The following SRGAP1 variants were observed in gnomAD, a reference collection of about 807,000 sequenced individuals.
SRGAP1 encodes the protein SLIT-ROBO Rho GTPase activating protein 1, also known as SLIT-ROBO Rho GTPase-activating protein 1.
Under a neutral mutation model 121.9 loss-of-function variants are expected in SRGAP1, and 43 were observed. The ratio of observed to expected loss-of-function variants is 0.35; its 90% CI spans 0.28 to 0.46. The LOEUF (loss-of-function observed/expected upper bound fraction) is 0.46, where lower values mean the gene tolerates loss of function less well. Among genes scored for constraint, SRGAP1 ranks in the 20% least tolerant of loss-of-function variants. SRGAP1 has a pLI of 1.00. For synonymous variants in SRGAP1, 447 were observed against 485.4 expected (o/e 0.92, Z 1.04); for missense variants, 1,102 against 1,350.9 (o/e 0.82, Z 2.89).
chr12:63,984,064 A>G lies in SRGAP1; in HGVS notation c.185A>G (p.Glu62Gly). ...FFRKKAEIET[E>G]YSRNLEKLAE... Reference sequence around the variant, plus strand: ...CGAAAAAAAGCTGAAATTGAGACGGAATATTCCCGGAATCTAGAGAAGTTA... The same window carrying G: ...CGAAAAAAAGCTGAAATTGAGACGGGATATTCCCGGAATCTAGAGAAGTTA... The change falls in exon 2 of 22, where the codon GAA becomes GGA. Residue 62 changes from glutamate to glycine, a missense_variant. Transcript: ENST00000355086. The G allele has an allele frequency of 6.4e-7, 1 of 1,556,040 alleles. No individual in the cohort carries two copies. The highest frequency in any genetic ancestry group is 8.7e-7 in the Non-Finnish European group (1 of 1,144,344).
intron 1 of SRGAP1, among the ~76,000 whole-genome samples, chr12:63,912,142 G>A (rs1592939439): frequency 6.6e-6 from 1 of 152,094 alleles, no homozygotes; most frequent in East Asian, 1.9e-4. Flanking sequence ...ATAACTCAGG[G>A]ACACTTATTG....
chr12:64,096,385 T>C (rs1023089050), intron 14 of SRGAP1, among the ~76,000 whole-genome samples: 1 of 152,180 alleles, frequency 6.6e-6, no homozygotes, highest in Non-Finnish European at 1.5e-5. Flanking sequence ...ATGCACACTT[T>C]TTGTGAACTT....
intron 1 of SRGAP1, among the ~76,000 whole-genome samples, chr12:63,854,001 A>G (rs528915040): frequency 6.6e-6 from 1 of 152,324 alleles, no homozygotes; most frequent in East Asian, 1.9e-4. Flanking sequence ...TTGGGAGAGC[A>G]AGCTTGCTTC....
intron 1 of SRGAP1, among the ~76,000 whole-genome samples, chr12:63,873,068 A>C (rs1899907569): frequency 1.3e-5 from 2 of 152,196 alleles, no homozygotes; most frequent in South Asian, 4.1e-4. Flanking sequence ...CCTTGAGCAG[A>C]GTAGTAAAAG....
intron 4 of SRGAP1, among the ~76,000 whole-genome samples, chr12:64,036,305 C>A (rs2034902040): frequency 6.6e-6 from 1 of 152,150 alleles, no homozygotes; most frequent in Non-Finnish European, 1.5e-5. Context: ...TGGCTTTCCC[C>A]ACGCACCTGA....
intron 6 of SRGAP1, among the ~76,000 whole-genome samples, chr12:64,050,115 A>G (rs1291567053): frequency 6.6e-6 from 1 of 152,022 alleles, no homozygotes; most frequent in Non-Finnish European, 1.5e-5. Flanking sequence ...TCTTTGGTTA[A>G]GTTTATTCCT....
chr12:64,122,191 C>T (rs1479712268), intron 18 of SRGAP1, among the ~76,000 whole-genome samples: 1 of 152,188 alleles, frequency 6.6e-6, no homozygotes, highest in African/African-American at 2.4e-5. Flanking sequence ...GTTGAATTGT[C>T]TTCCCTTTTG....
At chr12:64,043,889 A>G (rs2035073540) in intron 6 of SRGAP1, among the ~76,000 whole-genome samples, 1 of 152,166 alleles carries the variant, frequency 6.6e-6, no homozygotes, top group Non-Finnish European at 1.5e-5. Context: ...CCCTAACTGC[A>G]TTCATTAATT....
intron 1 of SRGAP1, among the ~76,000 whole-genome samples, chr12:63,931,714 C>G (rs1419379183): frequency 6.6e-6 from 1 of 152,170 alleles, no homozygotes; most frequent in Non-Finnish European, 1.5e-5. Context: ...AAATAGAGAT[C>G]ATACTTTATT....
intron 3 of SRGAP1, among the ~76,000 whole-genome samples, chr12:63,996,963 G>A (rs779547241): frequency 1.7e-4 from 26 of 152,042 alleles, no homozygotes; most frequent in Non-Finnish European, 5.9e-5. Context: ...AGGATGGCAA[G>A]CACATAATAA....
At chr12:64,088,163 C>T (rs1041083891) in intron 11 of SRGAP1, among the ~76,000 whole-genome samples, 2 of 152,240 alleles carry the variant, frequency 1.3e-5, no homozygotes, top group South Asian at 4.2e-4. Context: ...GGAAGCCCCT[C>T]GTACTTCATG....
intron 1 of SRGAP1, among the ~76,000 whole-genome samples, chr12:63,917,697 A>G (rs1219027152): frequency 4.0e-5 from 6 of 151,706 alleles, no homozygotes; most frequent in African/African-American, 1.4e-4. Context: ...TACTATTTGA[A>G]TATGGTCTCT....
rs550184195 is a variant in SRGAP1, at chr12:64,149,980, A to T, written c.*7308A>T. 1 of 152,304 alleles carries T rather than the reference A, an allele frequency of 6.6e-6. No homozygotes were observed. Among genetic ancestry groups the T allele is most frequent in the East Asian group, 1.9e-4 (1 of 5,180 alleles). The allele number at this position is 152,304 out of a possible 1,614,324, so 9.4% of individuals were successfully genotyped here. Reference sequence around the variant, plus strand: ...AAATATTTTTGCTCACTTAATAATCACGGTGAGGTTCATCACCTCTTCAGT... The same window carrying T: ...AAATATTTTTGCTCACTTAATAATCTCGGTGAGGTTCATCACCTCTTCAGT... On this transcript the variant is annotated 3_prime_UTR_variant, in exon 22 of 22. Transcript: ENST00000355086.
At chr12:63,968,305 A>G (rs554376704) in intron 1 of SRGAP1, among the ~76,000 whole-genome samples, 24 of 152,340 alleles carry the variant, frequency 1.6e-4, no homozygotes, top group African/African-American at 5.8e-4. Context: ...TTGGCTGTAC[A>G]GTATTTTGTT....
At chr12:63,861,099 GTTA>G (rs547351954) in intron 1 of SRGAP1, among the ~76,000 whole-genome samples, 277 of 148,694 alleles carry the variant, frequency 1.9e-3, no homozygotes, top group African/African-American at 6.3e-3. Flanking sequence ...TAATTTCTCA[GTTA>G]TTATTTTTCT....
intron 4 of SRGAP1, among the ~76,000 whole-genome samples, chr12:64,040,263 A>T (rs1408122659): frequency 2.0e-5 from 3 of 152,224 alleles, no homozygotes; most frequent in East Asian, 3.8e-4. Context: ...GTCTCAAACT[A>T]TTTAAAAACT....
In SRGAP1 at chr12:64,042,775, G is replaced by A. The variant is rs1254176933; in HGVS notation, c.490-15G>A. 3 of 1,607,520 alleles carry A rather than the reference G, an allele frequency of 1.9e-6. No individual in the cohort carries two copies. The highest frequency in any genetic ancestry group is 2.6e-6 in the Non-Finnish European group (3 of 1,175,610). On this transcript the variant is annotated splice_polypyrimidine_tract_variant and intron_variant, in intron 4 of 21. Coordinates refer to ENST00000355086, the MANE Select transcript of SRGAP1 (RefSeq NM_020762.4). ...AGACAGACATCTTGTAACAATTTGG[G>A]TCACTTTTCCACAGGTGATGAAAAC...
chr12:64,062,331 A>G (rs903203233), intron 6 of SRGAP1, among the ~76,000 whole-genome samples: 6 of 152,186 alleles, frequency 3.9e-5, no homozygotes, highest in Admixed American at 6.5e-5. Context: ...GACCATTTGT[A>G]TGTCGTCTTT....
At chr12:63,950,250 G>A (rs2032244281) in intron 1 of SRGAP1, among the ~76,000 whole-genome samples, 3 of 152,264 alleles carry the variant, frequency 2.0e-5, no homozygotes, top group South Asian at 4.2e-4. Context: ...TTTTTAGAAA[G>A]CATCTTCAGA....
Sources: gnomAD v4.1 joint callset for allele counts (sites outside exome capture counted in the v4.1 genomes callset) on GRCh38, gnomAD v4.1.1 for gene constraint, MANE v1.5 for transcripts, NCBI Gene and HGNC (gene_info 2026-07-23, HGNC 2026-07-21) for gene names.